The following DLGAP1 variants were observed in gnomAD, a reference collection of about 807,000 sequenced individuals.
DLGAP1 encodes the protein disks large-associated protein 1.
Under a neutral mutation model 90.8 loss-of-function variants are expected in DLGAP1, and 11 were observed. The observed-to-expected ratio is 0.12, with a 90% CI of 0.08 to 0.20. The LOEUF (loss-of-function observed/expected upper bound fraction) is 0.20, where lower values mean the gene tolerates loss of function less well. DLGAP1 is among the 10% of genes least tolerant of loss of function. The pLI is 1.00. For missense variants in DLGAP1, 1,050 were observed against 1,333.8 expected (o/e 0.79, Z 3.31); for synonymous variants, 558 against 540.7 (o/e 1.03, Z -0.44).
chr18:4,023,205 G>A (rs1032284851), intron 2 of DLGAP1, among the ~76,000 whole-genome samples: 1 of 152,010 alleles, frequency 6.6e-6, no homozygotes, highest in African/African-American at 2.4e-5. Context: ...ACCCATTTAG[G>A]TTTCTCTTGC....
intron 3 of DLGAP1, among the ~76,000 whole-genome samples, chr18:3,949,507 C>A (rs2072942365): frequency 6.6e-6 from 1 of 152,126 alleles, no homozygotes; most frequent in Admixed American, 6.6e-5. Context: ...GCCCTTCCCA[C>A]CATCTTGGTA....
intron 1 of DLGAP1, among the ~76,000 whole-genome samples, chr18:4,291,864 G>GA (rs753136042): frequency 1.3e-5 from 2 of 152,014 alleles, no homozygotes; most frequent in South Asian, 2.1e-4. Flanking sequence ...CACTAGAAAA[G>GA]AAAAAATGTT....
intron 5 of DLGAP1, among the ~76,000 whole-genome samples, chr18:3,794,121 C>A (rs1568145083): frequency 1.3e-5 from 2 of 152,284 alleles, no homozygotes; most frequent in Non-Finnish European, 2.9e-5. Flanking sequence ...CCTAACTCTG[C>A]ACGTCTCCTC....
intron 2 of DLGAP1, among the ~76,000 whole-genome samples, chr18:4,024,645 G>A (rs182877084): frequency 5.3e-5 from 8 of 152,158 alleles, no homozygotes; most frequent in Admixed American, 2.0e-4. Flanking sequence ...ACCCAGAAAG[G>A]GGGGAGAAAT....
At chr18:3,659,994 G>A (rs1031104284) in intron 7 of DLGAP1, among the ~76,000 whole-genome samples, 6 of 151,950 alleles carry the variant, frequency 3.9e-5, no homozygotes, top group Non-Finnish European at 5.9e-5. Flanking sequence ...CTTGCGGCTC[G>A]CTCCCTCTTG....
intron 1 of DLGAP1, among the ~76,000 whole-genome samples, chr18:4,176,434 T>A (rs1225786400): frequency 1.3e-5 from 2 of 152,330 alleles, no homozygotes; most frequent in African/African-American, 4.8e-5. Context: ...GTGGTGTATA[T>A]TTTTAATGGA....
At chr18:3,764,300 G>A (rs990003561) in intron 5 of DLGAP1, among the ~76,000 whole-genome samples, 8 of 152,100 alleles carry the variant, frequency 5.3e-5, no homozygotes, top group African/African-American at 1.9e-4. Flanking sequence ...TTACTCAAAC[G>A]CTAGCAAATT....
intron 7 of DLGAP1, among the ~76,000 whole-genome samples, chr18:3,626,322 G>A (rs1194680838): frequency 1.3e-5 from 2 of 151,330 alleles, no homozygotes; most frequent in East Asian, 2.0e-4. Flanking sequence ...GATCAGGAAT[G>A]GCGGCTCACA....
rs141652942 is a variant in DLGAP1, at chr18:3,561,153, C to T, written c.2057+6337G>A. ...AAAATGAGCTGGGCACACTGTCCCACGCCTATAATTTCAGCACTTTGGGAG... is the reference window on the plus strand; with the variant it reads ...AAAATGAGCTGGGCACACTGTCCCATGCCTATAATTTCAGCACTTTGGGAG... On this transcript the variant is annotated intron_variant, in intron 9 of 12. Coordinates refer to ENST00000315677, the MANE Select transcript of DLGAP1 (RefSeq NM_004746.4). Among the ~76,000 whole-genome samples, 158 of 149,674 alleles carry T rather than the reference C, an allele frequency of 1.1e-3. 10 individuals carry two copies. The highest frequency in any genetic ancestry group is 3.6e-3 in the African/African-American group (144 of 39,652).
At chr18:3,511,616 A>G (rs968516378) in intron 10 of DLGAP1, among the ~76,000 whole-genome samples, 6 of 151,818 alleles carry the variant, frequency 4.0e-5, no homozygotes, top group Non-Finnish European at 8.8e-5. Flanking sequence ...AGTTAAACCA[A>G]TGTTGGGTCT....
At chr18:3,546,063 C>T (rs2052994683) in intron 9 of DLGAP1, among the ~76,000 whole-genome samples, 1 of 152,094 alleles carries the variant, frequency 6.6e-6, no homozygotes, top group Admixed American at 6.6e-5. Flanking sequence ...AACATCTAGA[C>T]AGAAAATTAG....
intron 4 of DLGAP1, among the ~76,000 whole-genome samples, chr18:3,815,358 A>C (rs892484811): frequency 2.0e-5 from 3 of 147,816 alleles, no homozygotes; most frequent in African/African-American, 7.6e-5. Flanking sequence ...ATGATCTCCT[A>C]ATGGAAGATA....
intron 2 of DLGAP1, among the ~76,000 whole-genome samples, chr18:4,021,661 G>A (rs1284043682): frequency 6.6e-6 from 1 of 151,848 alleles, no homozygotes; most frequent in Non-Finnish European, 1.5e-5. Flanking sequence ...GCAATGGCGC[G>A]ATCTTGGCTC....
chr18:3,818,346 GTTTTTTTTTTTTTTTTT>G (rs398031872), intron 4 of DLGAP1, among the ~76,000 whole-genome samples: 2 of 66,454 alleles, frequency 3.0e-5, no homozygotes, highest in Non-Finnish European at 5.4e-5. Flanking sequence ...TGTAGGGATG[GTTTTTTTTTTTTTTTTT>G]TTTTTTTTTT....
chr18:3,869,834 T>G (rs2070634461), intron 4 of DLGAP1, among the ~76,000 whole-genome samples: 1 of 152,206 alleles, frequency 6.6e-6, no homozygotes, highest in South Asian at 2.1e-4. Flanking sequence ...TGTTTGAGGA[T>G]CTACAAACTT....
chr18:3,692,692 C>T lies in DLGAP1; in HGVS notation c.1591+36443G>A, dbSNP rs1393156408. The stretch of plus-strand genomic sequence containing the variant: ...GTACTTTAAAGATTCAAAGCACTCT[C>T]CTGTTACTGAGTTCACATATACTCC... On this transcript the variant is annotated intron_variant, in intron 7 of 12. Transcript: ENST00000315677. Among the ~76,000 whole-genome samples the T allele has an allele frequency of 5.3e-5, 8 of 152,204 alleles. No individual in the cohort carries two copies. The East Asian group carries it at 1.5e-3, about 29-fold the overall frequency.
intron 10 of DLGAP1, among the ~76,000 whole-genome samples, chr18:3,519,482 TC>T (rs1402025077): frequency 6.6e-6 from 1 of 152,150 alleles, no homozygotes; most frequent in African/African-American, 2.4e-5. Flanking sequence ...TATTCCCTCA[TC>T]TTCAACAACC....
At chr18:4,399,193 C>T (rs916697805) in intron 1 of DLGAP1, among the ~76,000 whole-genome samples, 7 of 152,184 alleles carry the variant, frequency 4.6e-5, no homozygotes, top group Non-Finnish European at 8.8e-5. Flanking sequence ...TCATAACTCA[C>T]TTCAATGTCA....
chr18:3,714,215 G>A lies in DLGAP1; in HGVS notation c.1591+14920C>T, dbSNP rs550001670. Among the ~76,000 whole-genome samples, 5 of 152,328 alleles carry A rather than the reference G, an allele frequency of 3.3e-5. No homozygotes were observed. The East Asian group carries it at 9.7e-4, about 29-fold the overall frequency. On this transcript the variant is annotated intron_variant, in intron 7 of 12. Coordinates refer to ENST00000315677, the MANE Select transcript of DLGAP1 (RefSeq NM_004746.4). Reference sequence around the variant, plus strand: ...AATCCTATGAAGACTTTCCATGGAAGCAAAGCAAAACAACGTATGATTTTC... The same window carrying A: ...AATCCTATGAAGACTTTCCATGGAAACAAAGCAAAACAACGTATGATTTTC...
Sources: gnomAD v4.1 joint callset for allele counts (sites outside exome capture counted in the v4.1 genomes callset) on GRCh38, gnomAD v4.1.1 for gene constraint, MANE v1.5 for transcripts, NCBI Gene and HGNC (gene_info 2026-07-23, HGNC 2026-07-21) for gene names.